Variants in PRXL2C observed in about 807,000 individuals in gnomAD.
PRXL2C encodes the protein peroxiredoxin-like 2C.
In PRXL2C, 38 loss-of-function variants were observed where a neutral mutation model predicts 24.9. The observed-to-expected ratio is 1.53, with a 90% CI of 1.18 to 2.00. PRXL2C has a LOEUF of 2.00. Among genes scored for constraint, PRXL2C ranks in the 30% most tolerant of loss-of-function variants. The pLI is 0.00. For synonymous variants in PRXL2C, 98 were observed against 117.2 expected (o/e 0.84, Z 1.06); for missense variants, 294 against 290.9 (o/e 1.01, Z -0.08).
chr9:96,642,794 C>T (rs539951379), intron 5 of PRXL2C, among the ~76,000 whole-genome samples: 3 of 152,254 alleles, frequency 2.0e-5, no homozygotes, highest in South Asian at 2.1e-4. Flanking sequence ...CCGCCCACCT[C>T]GGCCTCCCAA....
intron 4 of PRXL2C, among the ~76,000 whole-genome samples, chr9:96,647,251 C>T (rs1398351020): frequency 6.6e-6 from 1 of 152,056 alleles, no homozygotes; most frequent in African/African-American, 2.4e-5. Context: ...ACTTAATTTC[C>T]ACTTCATTGG....
intron 2 of PRXL2C, among the ~76,000 whole-genome samples, chr9:96,652,318 C>G (rs1018574713): frequency 6.6e-6 from 1 of 152,020 alleles, no homozygotes; most frequent in Admixed American, 6.6e-5. Context: ...GTCAGGAGAT[C>G]AAGACCAGCC....
Position 96,641,893 on chromosome 9 carries a change from G to A in PRXL2C, c.554-7C>T, listed in dbSNP as rs767338434. The stretch of plus-strand genomic sequence containing the variant: ...ATAAAATGGATGTTGTTACCTAGAA[G>A]AGAATAAGAATAAAAGGCTGAGGCA... On this transcript the variant is annotated splice_polypyrimidine_tract_variant and splice_region_variant and intron_variant, in intron 5 of 5. Transcript: ENST00000375234. The A allele has an allele frequency of 2.0e-6, 3 of 1,481,646 alleles. No homozygotes were observed. Among genetic ancestry groups the A allele is most frequent in the African/African-American group, 1.4e-5 (1 of 72,272 alleles). The allele number at this position is 1,481,646 out of a possible 1,614,324, so 91.8% of individuals were successfully genotyped here.
chr9:96,653,243 GA>G (rs139684610), intron 2 of PRXL2C, among the ~76,000 whole-genome samples: 12,833 of 149,834 alleles, frequency 0.086, 1,870 homozygotes, highest in African/African-American at 0.3. Flanking sequence ...AAAAAAAGAA[GA>G]AAAGAAAATA....
At chr9:96,645,523 C>G (rs960055825) in intron 5 of PRXL2C, among the ~76,000 whole-genome samples, 1 of 151,612 alleles carries the variant, frequency 6.6e-6, no homozygotes, top group African/African-American at 2.4e-5. Flanking sequence ...CTGGGTGGGG[C>G]GCGGTGGCTC....
chr9:96,651,404 T>C lies in PRXL2C; in HGVS notation c.407A>G (p.Glu136Gly). Reference protein sequence around the residue: ...YKRLGMKRGEEIASSGQSPHI... With the variant: ...YKRLGMKRGEGIASSGQSPHI... ...TTATGTCTTACCTGAGGAAGCAATT[T>C]CTTCACCTCTTTTCATTCCCAATCT... Residue 136 changes from glutamate (E) to glycine (G), a missense_variant, in exon 4 of 6, where the codon GAA (glutamate) becomes GGA (glycine). Transcript: ENST00000375234. The C allele has an allele frequency of 6.2e-7, 1 of 1,610,870 alleles. No individual in the cohort carries two copies. Among genetic ancestry groups the C allele is most frequent in the Non-Finnish European group, 8.5e-7 (1 of 1,178,708 alleles).
At chr9:96,646,751 C>A (rs1848205355) in intron 4 of PRXL2C, among the ~76,000 whole-genome samples, 1 of 152,138 alleles carries the variant, frequency 6.6e-6, no homozygotes, top group Admixed American at 6.5e-5. Context: ...GGAACTGCTG[C>A]TCAAGAGGAA....
At chr9:96,646,876 T>C (rs758416159) in intron 4 of PRXL2C, among the ~76,000 whole-genome samples, 11 of 152,148 alleles carry the variant, frequency 7.2e-5, no homozygotes, top group Non-Finnish European at 1.6e-4. Context: ...CTGCAACCTC[T>C]GCCATCTGGA....
At chr9:96,647,470 A>G (rs1848212136) in intron 4 of PRXL2C, among the ~76,000 whole-genome samples, 1 of 152,162 alleles carries the variant, frequency 6.6e-6, no homozygotes, top group African/African-American at 2.4e-5. Context: ...CATTTATCTT[A>G]CCAAGAAACA....
At chr9:96,642,671 G>A (rs1479997605) in intron 5 of PRXL2C, among the ~76,000 whole-genome samples, 1 of 151,176 alleles carries the variant, frequency 6.6e-6, no homozygotes, top group South Asian at 2.1e-4. Context: ...TCAGCCTCCC[G>A]AGTAGCTGGG....
At chr9:96,649,773 T>C (rs1028398843) in intron 4 of PRXL2C, among the ~76,000 whole-genome samples, 1 of 152,054 alleles carries the variant, frequency 6.6e-6, no homozygotes, top group Admixed American at 6.6e-5. Context: ...ATGGGTTATA[T>C]GACTGTCTCA....
chr9:96,652,389 C>T (rs1848278917), intron 2 of PRXL2C, among the ~76,000 whole-genome samples: 1 of 152,006 alleles, frequency 6.6e-6, no homozygotes, highest in South Asian at 2.1e-4. Context: ...GGTGTGGTGG[C>T]ATGTGCCTGT....
At chr9:96,645,861 G>A (rs772717406) in intron 5 of PRXL2C, 32 bp downstream of exon 5, 1 of 1,566,172 alleles carries the variant, frequency 6.4e-7, no homozygotes. Context: ...AGCACAAGAC[G>A]TCTACTGCTG....
chr9:96,651,428 CTT>C lies in PRXL2C; in HGVS notation c.381_382del (p.Arg128IlefsTer7). On this transcript the variant is annotated frameshift_variant, in exon 4 of 6. Coordinates refer to ENST00000375234, the MANE Select transcript of PRXL2C (RefSeq NM_153698.2). LOFTEE classifies it high-confidence loss of function. ...TTCTTCACCTCTTTTCATTCCCAAT[CTT>C]TTATAAATTTCTCTCTCAGGATCGA... The C allele has an allele frequency of 6.2e-7, 1 of 1,613,226 alleles. No individual in the cohort carries two copies. Among genetic ancestry groups the C allele is most frequent in the Non-Finnish European group, 8.5e-7 (1 of 1,179,846 alleles).
intron 5 of PRXL2C, among the ~76,000 whole-genome samples, chr9:96,642,913 C>T (rs1425408956): frequency 6.6e-6 from 1 of 152,082 alleles, no homozygotes; most frequent in Non-Finnish European, 1.5e-5. Context: ...CAACAAACCA[C>T]GGATTGAAAA....
At chr9:96,654,850 G>T in intron 1 of PRXL2C, 77 bp from the exon 2 acceptor site, 1 of 1,422,628 alleles carries the variant, frequency 7.0e-7, no homozygotes, top group Non-Finnish European at 9.5e-7. Flanking sequence ...GTACTTCGCC[G>T]TGCGTGACGC....
intron 4 of PRXL2C, among the ~76,000 whole-genome samples, chr9:96,649,949 A>AC (rs971518530): frequency 8.5e-5 from 13 of 152,088 alleles, no homozygotes; most frequent in African/African-American, 2.2e-4. Context: ...AGGGACCTGT[A>AC]TTTTTCTGAA....
chr9:96,646,135 A>G, intron 4 of PRXL2C, 111 bp from the exon 5 acceptor site: 1 of 1,213,874 alleles, frequency 8.2e-7, no homozygotes, highest in South Asian at 1.6e-5. Context: ...ATGGTTTCTC[A>G]ATCTTTTACC....
chr9:96,654,878 G>C (rs1001250239), intron 1 of PRXL2C, 105 bp from the exon 2 acceptor site: 2 of 1,292,770 alleles, frequency 1.5e-6, no homozygotes, highest in Admixed American at 2.9e-5. Flanking sequence ...GGCGACGCCC[G>C]CGGGGCCGGG....
Sources: gnomAD v4.1 joint callset for allele counts (sites outside exome capture counted in the v4.1 genomes callset) on GRCh38, gnomAD v4.1.1 for gene constraint, MANE v1.5 for transcripts, NCBI Gene and HGNC (gene_info 2026-07-23, HGNC 2026-07-21) for gene names.